The following SCAF8 variants were observed in gnomAD, a reference collection of about 807,000 sequenced individuals.
The protein encoded by SCAF8 is SR-related and CTD-associated factor 8.
SCAF8 carries 23 observed loss-of-function variants against 140.5 expected under a neutral mutation model. That is an observed-to-expected ratio of 0.16 (90% CI 0.12 to 0.23). The LOEUF (loss-of-function observed/expected upper bound fraction) is 0.23, where lower values mean the gene tolerates loss of function less well. Among genes scored for constraint, SCAF8 ranks in the 10% least tolerant of loss-of-function variants. SCAF8 has a pLI of 1.00. For synonymous variants in SCAF8, 575 were observed against 528.9 expected (o/e 1.09, Z -1.20); for missense variants, 1,397 against 1,555.7 (o/e 0.90, Z 1.72).
intron 16 of SCAF8, 33 bp downstream of exon 16, chr6:154,822,442 T>G: frequency 6.4e-7 from 1 of 1,571,574 alleles, no homozygotes; most frequent in Non-Finnish European, 8.6e-7. Flanking sequence ...TTTTTTCTTG[T>G]GTTGTTTTAC....
chr6:154,795,316 A>G (rs925779615), intron 6 of SCAF8, among the ~76,000 whole-genome samples, 177 bp downstream of exon 6: 1 of 152,160 alleles, frequency 6.6e-6, no homozygotes, highest in Non-Finnish European at 1.5e-5. Flanking sequence ...GAATGCTTTC[A>G]TGTCATTAAA....
intron 5 of SCAF8, among the ~76,000 whole-genome samples, chr6:154,794,770 GGGT>G (rs1777540105): frequency 9.1e-5 from 6 of 65,660 alleles, no homozygotes; most frequent in African/African-American, 2.3e-4. Flanking sequence ...GGGGGGGGGG[GGGT>G]GTGGGGGGTG....
At chr6:154,781,971 T>A (rs1035280774) in intron 3 of SCAF8, among the ~76,000 whole-genome samples, 1 of 152,216 alleles carries the variant, frequency 6.6e-6, no homozygotes, top group Non-Finnish European at 1.5e-5. Context: ...GAAAGATTTA[T>A]GGAGTAATAA....
chr6:154,811,743 G>A (rs1288148720), intron 12 of SCAF8, among the ~76,000 whole-genome samples: 1 of 142,332 alleles, frequency 7.0e-6, no homozygotes, highest in Non-Finnish European at 1.5e-5. Flanking sequence ...CTGTGTCCAA[G>A]TGTTCTCATT....
intron 7 of SCAF8, among the ~76,000 whole-genome samples, 168 bp from the exon 8 acceptor site, chr6:154,803,376 A>G (rs1777824587): frequency 6.6e-6 from 1 of 152,202 alleles, no homozygotes; most frequent in Non-Finnish European, 1.5e-5. Context: ...TGCTTTAAAG[A>G]AAAGATCTAC....
At chr6:154,811,629 C>A (rs1405255971) in intron 12 of SCAF8, among the ~76,000 whole-genome samples, 4 of 152,028 alleles carry the variant, frequency 2.6e-5, no homozygotes, top group Non-Finnish European at 5.9e-5. Context: ...TGTTGGTTTG[C>A]TGCACACATC....
chr6:154,794,406 A>G (rs1361452552), intron 5 of SCAF8, among the ~76,000 whole-genome samples: 1 of 152,144 alleles, frequency 6.6e-6, no homozygotes. Flanking sequence ...TTTGCTTTCC[A>G]TGATTCCAAT....
Position 154,733,497 on chromosome 6 carries a change from C to A in SCAF8, c.-404C>A. On this transcript the variant is annotated 5_prime_UTR_variant, in exon 1 of 20. Coordinates refer to ENST00000367178, the MANE Select transcript of SCAF8 (RefSeq NM_014892.5). The stretch of plus-strand genomic sequence containing the variant: ...GGGCTGGTTCCTGCGGCCCGAGCGG[C>A]GGGGAGGTGAAACAGGAGCCCGTCG... 2 of 1,316,956 alleles carry A rather than the reference C, an allele frequency of 1.5e-6. No individual in the cohort carries two copies. Among genetic ancestry groups the A allele is most frequent in the Non-Finnish European group, 1.9e-6 (2 of 1,035,310 alleles). The allele number at this position is 1,316,956 out of a possible 1,614,324, so 81.6% of individuals were successfully genotyped here. A position where few individuals can be genotyped will look rare whatever the true frequency, so the allele number is the denominator to read the frequency against.
At chr6:154,737,515 AAAC>A (rs1046826441) in intron 1 of SCAF8, among the ~76,000 whole-genome samples, 3 of 151,934 alleles carry the variant, frequency 2.0e-5, no homozygotes, top group Admixed American at 1.3e-4. Flanking sequence ...CATCTCTACA[AAAC>A]AACAACAACA....
intron 6 of SCAF8, among the ~76,000 whole-genome samples, chr6:154,799,851 C>T (rs111644893): frequency 2.6e-5 from 4 of 151,212 alleles, no homozygotes; most frequent in African/African-American, 9.7e-5. Context: ...TTGGCGCAAT[C>T]TCGGCTCATT....
intron 1 of SCAF8, among the ~76,000 whole-genome samples, chr6:154,771,486 G>T (rs757903275): frequency 6.6e-6 from 1 of 152,166 alleles, no homozygotes; most frequent in Non-Finnish European, 1.5e-5. Context: ...AGAATGGACA[G>T]GGCCTTAAAT....
chr6:154,833,706 G>T lies in SCAF8; in HGVS notation c.*311G>T, dbSNP rs1212733219. ...TTCCTATGGAAGAAAGAATTTTTTA[G>T]ATACTATCATTAGGTTGGATATGGT... On this transcript the variant is annotated 3_prime_UTR_variant, in exon 20 of 20. Transcript: ENST00000367178. 1 of 236,322 alleles carries T rather than the reference G, an allele frequency of 4.2e-6. No individual in the cohort carries two copies. Among genetic ancestry groups the T allele is most frequent in the African/African-American group, 2.3e-5 (1 of 43,568 alleles). The allele number at this position is 236,322 out of a possible 1,614,324, so 14.6% of individuals were successfully genotyped here. A position where few individuals can be genotyped will look rare whatever the true frequency, so the allele number is the denominator to read the frequency against.
At chr6:154,770,371 C>CAT (rs1776703035) in intron 1 of SCAF8, among the ~76,000 whole-genome samples, 1 of 139,882 alleles carries the variant, frequency 7.1e-6, no homozygotes, top group South Asian at 2.3e-4. Context: ...GGTTGAGGTA[C>CAT]ACACACACAC....
chr6:154,783,927 C>T (rs1777158742), intron 3 of SCAF8, among the ~76,000 whole-genome samples: 2 of 151,542 alleles, frequency 1.3e-5, no homozygotes, highest in South Asian at 4.2e-4. Context: ...ATTAGGCAGG[C>T]GCGGTAGCAC....
intron 1 of SCAF8, among the ~76,000 whole-genome samples, chr6:154,751,677 T>C (rs1047896348): frequency 2.0e-5 from 3 of 152,226 alleles, no homozygotes; most frequent in Non-Finnish European, 1.5e-5. Flanking sequence ...TTATATTCTC[T>C]TTGTTTACTG....
intron 3 of SCAF8, among the ~76,000 whole-genome samples, chr6:154,786,740 T>A (rs758202081): frequency 3.9e-5 from 6 of 152,216 alleles, no homozygotes; most frequent in Non-Finnish European, 8.8e-5. Flanking sequence ...GTCTTAGGAA[T>A]TCTTGTTTTG....
chr6:154,821,240 C>T (rs1220927378), intron 15 of SCAF8, among the ~76,000 whole-genome samples: 1 of 141,994 alleles, frequency 7.0e-6, no homozygotes, highest in African/African-American at 2.5e-5. Flanking sequence ...GGTCCAAATC[C>T]TGTTGGTAGC....
intron 6 of SCAF8, among the ~76,000 whole-genome samples, chr6:154,796,164 A>G (rs1222074365): frequency 2.0e-5 from 3 of 152,192 alleles, no homozygotes; most frequent in Non-Finnish European, 4.4e-5. Flanking sequence ...ACTCATAGAA[A>G]TACCTCATTT....
At chr6:154,747,899 T>TGC (rs1319217517) in intron 1 of SCAF8, among the ~76,000 whole-genome samples, 15 of 61,788 alleles carry the variant, frequency 2.4e-4, no homozygotes, top group African/African-American at 1.3e-3. Flanking sequence ...TTCATTTCTG[T>TGC]GTGTGTGTGT....
Sources: allele counts gnomAD v4.1 joint callset (sites outside exome capture counted in the v4.1 genomes callset), GRCh38; gene constraint gnomAD v4.1.1; transcripts MANE v1.5; gene names NCBI Gene and HGNC (gene_info 2026-07-23, HGNC 2026-07-21).